HOOK3: variants seen among roughly 807,000 people sequenced by gnomAD.
The protein encoded by HOOK3 is protein Hook homolog 3.
HOOK3 carries 24 observed loss-of-function variants against 116.3 expected under a neutral mutation model. The ratio of observed to expected loss-of-function variants is 0.21; its 90% CI spans 0.15 to 0.29. The LOEUF (loss-of-function observed/expected upper bound fraction) is 0.29. Ranked by LOEUF, HOOK3 falls within the 10% of genes least tolerant of loss-of-function variation. HOOK3 has a pLI of 1.00. For synonymous variants in HOOK3, 275 were observed against 283.0 expected (o/e 0.97, Z 0.28); for missense variants, 632 against 830.2 (o/e 0.76, Z 2.93).
chr8:42,898,690 A>C (rs1586580625), intron 1 of HOOK3, among the ~76,000 whole-genome samples: 1 of 152,244 alleles, frequency 6.6e-6, no homozygotes, highest in Non-Finnish European at 1.5e-5. Flanking sequence ...GTAGGGCTAC[A>C]TTGTTTAAAA....
chr8:43,027,527 A>G lies in HOOK3; in HGVS notation c.*9029A>G. On this transcript the variant is annotated 3_prime_UTR_variant, in exon 22 of 22. Transcript: ENST00000307602. Reference sequence around the variant, plus strand: ...TGAGAAGCTCATCTAGAAGAGAGCAACGCTGGAATAGAGAAGTCTAGACCC... The same window carrying G: ...TGAGAAGCTCATCTAGAAGAGAGCAGCGCTGGAATAGAGAAGTCTAGACCC... 2.8e-6 allele frequency: 1 copy of G among 358,284 alleles called. No individual in the cohort carries two copies. Among genetic ancestry groups the G allele is most frequent in the South Asian group, 2.6e-5 (1 of 38,384 alleles). The allele number at this position is 358,284 out of a possible 1,614,324, so 22.2% of individuals were successfully genotyped here. A position where few individuals can be genotyped will look rare whatever the true frequency, so the allele number is the denominator to read the frequency against.
intron 9 of HOOK3, among the ~76,000 whole-genome samples, chr8:42,965,594 A>G (rs992670646): frequency 6.6e-6 from 1 of 152,214 alleles, no homozygotes; most frequent in Non-Finnish European, 1.5e-5. Context: ...CGGTTTACTA[A>G]AAAGTGCGTC....
At chr8:42,915,770 T>C (rs1208950289) in intron 2 of HOOK3, among the ~76,000 whole-genome samples, 1 of 152,164 alleles carries the variant, frequency 6.6e-6, no homozygotes, top group Non-Finnish European at 1.5e-5. Flanking sequence ...TCAGTTCTTC[T>C]CCTAACCTGT....
intron 4 of HOOK3, among the ~76,000 whole-genome samples, chr8:42,938,263 A>C (rs1463989748): frequency 1.4e-5 from 2 of 144,784 alleles, no homozygotes; most frequent in Admixed American, 7.0e-5. Context: ...ATCTTCCTGC[A>C]TCCCTTTATT....
At chr8:42,990,877 T>A (rs2130458091) in intron 15 of HOOK3, among the ~76,000 whole-genome samples, 1 of 152,344 alleles carries the variant, frequency 6.6e-6, no homozygotes, top group Middle Eastern at 3.4e-3. Context: ...TTATGGAGTA[T>A]TACTCAAGAA....
chr8:42,972,437 G>A (rs1808742923), intron 11 of HOOK3, among the ~76,000 whole-genome samples: 1 of 152,028 alleles, frequency 6.6e-6, no homozygotes, highest in East Asian at 1.9e-4. Context: ...TTAAAGACAG[G>A]ATCTCACTCT....
chr8:42,941,466 C>T (rs1808122389), intron 4 of HOOK3, among the ~76,000 whole-genome samples: 1 of 138,756 alleles, frequency 7.2e-6, no homozygotes, highest in Non-Finnish European at 1.5e-5. Context: ...TGCAGTGAGC[C>T]AAGGTCGCGC....
chr8:42,906,145 TCC>T (rs80157780), intron 1 of HOOK3, 26 bp from the exon 2 acceptor site: 35 of 536,750 alleles, frequency 6.5e-5, no homozygotes, highest in East Asian at 1.7e-4. Flanking sequence ...ACAGAATCTC[TCC>T]CCCCCCCCTC....
At chr8:42,924,623 T>G (rs1488882113) in intron 2 of HOOK3, among the ~76,000 whole-genome samples, 1 of 152,190 alleles carries the variant, frequency 6.6e-6, no homozygotes, top group African/African-American at 2.4e-5. Context: ...TGGAGTTCAT[T>G]GAAATATTAA....
In HOOK3 at chr8:43,004,731, A is replaced by G. The variant is rs1809444957; in HGVS notation, c.1655+2590A>G. On this transcript the variant is annotated intron_variant, in intron 17 of 21. Coordinates refer to ENST00000307602, the MANE Select transcript of HOOK3 (RefSeq NM_032410.4). Reference sequence around the variant, plus strand: ...CAATGGAGACCATTTTACACATCAAATTGTTAACATTTAAAAAATCCAACA... The same window carrying G: ...CAATGGAGACCATTTTACACATCAAGTTGTTAACATTTAAAAAATCCAACA... Among the ~76,000 whole-genome samples the G allele has an allele frequency of 2.6e-5, 4 of 151,906 alleles. No homozygotes were observed. The South Asian group carries it at 8.3e-4, about 31-fold the overall frequency.
At chr8:42,912,229 G>C (rs1295347098) in intron 2 of HOOK3, among the ~76,000 whole-genome samples, 1 of 152,170 alleles carries the variant, frequency 6.6e-6, no homozygotes, top group Admixed American at 6.5e-5. Flanking sequence ...GTAGTTTTAG[G>C]AGAAATTTGA....
At chr8:42,948,511 C>G (rs1808277829) in intron 5 of HOOK3, among the ~76,000 whole-genome samples, 1 of 152,186 alleles carries the variant, frequency 6.6e-6, no homozygotes, top group South Asian at 2.1e-4. Flanking sequence ...CGCTTCCCCT[C>G]TCACACCTAC....
At chr8:42,997,899 A>G (rs1809310016) in intron 16 of HOOK3, 2 of 366,982 alleles carry the variant, frequency 5.4e-6, no homozygotes, top group Admixed American at 8.1e-5. Flanking sequence ...TATGTTTTAA[A>G]TGTGCTCAAC....
At chr8:42,925,139 C>T (rs1353376449) in intron 2 of HOOK3, among the ~76,000 whole-genome samples, 2 of 151,766 alleles carry the variant, frequency 1.3e-5, no homozygotes, top group Admixed American at 6.6e-5. Flanking sequence ...ACTCTGTTGC[C>T]CAGGCTGGAG....
chr8:42,929,052 A>G (rs1480183867), intron 3 of HOOK3, among the ~76,000 whole-genome samples: 1 of 152,240 alleles, frequency 6.6e-6, no homozygotes, highest in African/African-American at 2.4e-5. Context: ...TCTCAAAAAA[A>G]TAAATACATA....
chr8:42,944,929 A>G (rs1422041862), intron 5 of HOOK3, among the ~76,000 whole-genome samples: 1 of 152,158 alleles, frequency 6.6e-6, no homozygotes, highest in Non-Finnish European at 1.5e-5. Flanking sequence ...TGTCCTTTGT[A>G]TTGCAATCTA....
chr8:42,964,001 A>G (rs554864057), intron 8 of HOOK3, among the ~76,000 whole-genome samples: 32 of 152,150 alleles, frequency 2.1e-4, no homozygotes, highest in African/African-American at 7.7e-4. Context: ...AGGTCAAGAG[A>G]TCAAGACCAT....
At chr8:42,910,441 C>T (rs1366498311) in intron 2 of HOOK3, among the ~76,000 whole-genome samples, 1 of 151,998 alleles carries the variant, frequency 6.6e-6, no homozygotes, top group African/African-American at 2.4e-5. Flanking sequence ...TTTTGCGTAT[C>T]TCCTATAACG....
At chr8:42,901,962 C>T (rs1807199203) in intron 1 of HOOK3, among the ~76,000 whole-genome samples, 2 of 152,222 alleles carry the variant, frequency 1.3e-5, no homozygotes, top group African/African-American at 4.8e-5. Context: ...CCCGCCTCGG[C>T]TTCCAAATGT....
Sources: gnomAD v4.1 joint callset for allele counts (sites outside exome capture counted in the v4.1 genomes callset) on GRCh38, gnomAD v4.1.1 for gene constraint, MANE v1.5 for transcripts, NCBI Gene and HGNC (gene_info 2026-07-23, HGNC 2026-07-21) for gene names.